UBR4: variants seen among roughly 807,000 people sequenced by gnomAD.
UBR4 encodes ubiquitin protein ligase E3 component n-recognin 4.
In UBR4, 124 loss-of-function variants were observed where a neutral mutation model predicts 575.6. The observed-to-expected ratio is 0.22, with a 90% CI of 0.19 to 0.25. The LOEUF (loss-of-function observed/expected upper bound fraction) is 0.25. UBR4 is among the 10% of genes least tolerant of loss of function. The probability of loss-of-function intolerance (pLI) is 1.00; values close to 1 mark genes in which losing one functional copy is unlikely to be tolerated. For synonymous variants in UBR4, 2,455 were observed against 2,473.7 expected, an observed-to-expected ratio of 0.99 and a Z score of 0.22; for missense variants, 4,818 against 6,478.8, an observed-to-expected ratio of 0.74 and a Z score of 8.80.
At chr1:19,189,897 C>T (rs977789821) in intron 11 of UBR4, among the ~76,000 whole-genome samples, 7 of 152,086 alleles carry the variant, frequency 4.6e-5, no homozygotes, top group Non-Finnish European at 2.9e-5. Flanking sequence ...ATGTCAATAC[C>T]GGCTTCAGAT....
intron 102 of UBR4, among the ~76,000 whole-genome samples, chr1:19,083,774 C>A (rs1009201957): frequency 2.6e-5 from 4 of 152,232 alleles, no homozygotes; most frequent in African/African-American, 9.6e-5. Context: ...CTTACCTTGG[C>A]CTCCCAAGTG....
In UBR4 at chr1:19,141,350, G is replaced by C; in HGVS notation, c.8485C>G (p.Gln2829Glu). The change falls in exon 57 of 106, where the codon CAA becomes GAA. Residue 2829 changes from glutamine (Q) to glutamate (E), a missense_variant. Around this residue, in one of 29 missense-constraint regions of UBR4, gnomAD observed 129 missense variants for 198.4 expected, o/e 0.65. Coordinates refer to ENST00000375254, the MANE Select transcript of UBR4 (RefSeq NM_020765.3). ...AIALSLQQDQ[Q>E]GSSSSALGLQ... ...TGTTCTTGGCATGGCCTTCTACCTT[G>C]TTGGTCCTGCTGCAGGCTCAGGGCA... The C allele has an allele frequency of 6.2e-7, 1 of 1,614,232 alleles. No individual in the cohort carries two copies. Among genetic ancestry groups the C allele is most frequent in the Non-Finnish European group, 8.5e-7 (1 of 1,180,038 alleles).
chr1:19,173,370 A>C (rs1351698414), intron 23 of UBR4, 64 bp from the exon 24 acceptor site: 33 of 1,611,064 alleles, frequency 2.0e-5, no homozygotes, highest in Non-Finnish European at 2.7e-5. Context: ...ATTATCTTCA[A>C]ATTTAAAAGC....
chr1:19,138,723 T>A (rs1334345974), intron 59 of UBR4, among the ~76,000 whole-genome samples: 1 of 151,870 alleles, frequency 6.6e-6, no homozygotes, highest in Non-Finnish European at 1.5e-5. Context: ...GGATAATGGG[T>A]TTCAAGGTCA....
intron 97 of UBR4, among the ~76,000 whole-genome samples, chr1:19,091,305 G>A (rs2077491495): frequency 6.6e-6 from 1 of 152,178 alleles, no homozygotes; most frequent in African/African-American, 2.4e-5. Flanking sequence ...CCACTGAGTT[G>A]AACAGAAGTT....
intron 55 of UBR4, among the ~76,000 whole-genome samples, chr1:19,142,912 A>T (rs113399451): frequency 2.0e-5 from 3 of 152,178 alleles, no homozygotes; most frequent in Admixed American, 1.3e-4. Flanking sequence ...ATTTGAGGTC[A>T]GGAGTTCGAG....
chr1:19,075,530 G>T, intron 105 of UBR4: 1 of 158,198 alleles, frequency 6.3e-6, no homozygotes, highest in Non-Finnish European at 1.4e-5. Context: ...CAGAGCCAGT[G>T]GGAGCCGTAA....
chr1:19,105,584 A>T (rs1023880365), intron 84 of UBR4, 149 bp downstream of exon 84: 1 of 626,652 alleles, frequency 1.6e-6, no homozygotes, highest in African/African-American at 1.9e-5. Context: ...TACCATCACT[A>T]AAAGTCAGCT....
At chr1:19,135,521 T>C (rs763807752) in intron 60 of UBR4, among the ~76,000 whole-genome samples, 2 of 152,220 alleles carry the variant, frequency 1.3e-5, no homozygotes, top group Admixed American at 6.5e-5. Context: ...ATAAACATGA[T>C]GTAGTTCTTC....
Position 19,110,515 on chromosome 1 carries a change from G to T in UBR4, c.11893-51C>A. 1.9e-6 allele frequency: 3 copies of T among 1,574,942 alleles called. No individual in the cohort carries two copies. The highest frequency in any genetic ancestry group is 2.6e-6 in the Non-Finnish European group (3 of 1,148,194). ...AGTCAAGAGGGTCAGCTCCGGTCCA[G>T]CGACTCTTAACTATTAATACAATTT... On this transcript the variant is annotated intron_variant, in intron 79 of 105. Transcript: ENST00000375254. The surrounding 1 kb of genome is among the most constrained non-coding windows in gnomAD (Gnocchi z 4.5).
At position 19,100,006 on chromosome 1, in the gene UBR4, T is replaced by C. The variant is rs2078457633; in HGVS notation, c.13222-329A>G. ...CCTCAACGGTCTGCCAGAAAGTAAC[T>C]GACACGGGGACATAAACCTGCACAG... On this transcript the variant is annotated intron_variant, in intron 89 of 105. Coordinates refer to ENST00000375254, the MANE Select transcript of UBR4 (RefSeq NM_020765.3). This position sits in a 1 kb window ranked among gnomAD's most constrained non-coding sequence, Gnocchi z 4.2. The C allele has an allele frequency of 4.7e-6, 2 of 426,230 alleles. No homozygotes were observed. Among genetic ancestry groups the C allele is most frequent in the African/African-American group, 4.0e-5 (2 of 50,238 alleles). 26.4% of individuals were successfully genotyped at this position (426,230 alleles called of 1,614,324 possible).
chr1:19,110,544 G>A lies in UBR4; in HGVS notation c.11893-80C>T, dbSNP rs1406913428. On this transcript the variant is annotated intron_variant, in intron 79 of 105. Coordinates refer to ENST00000375254, the MANE Select transcript of UBR4 (RefSeq NM_020765.3). The surrounding 1 kb of genome is among the most constrained non-coding windows in gnomAD (Gnocchi z 4.5). ...CTCTTAACTATTAATACAATTTCTG[G>A]TCCTAGGTGGCTCCAACAGAGACAA... 6.7e-7 allele frequency: 1 copy of A among 1,483,272 alleles called. No homozygotes were observed. The highest frequency in any genetic ancestry group is 1.4e-5 in the African/African-American group (1 of 72,048). 91.9% of individuals were successfully genotyped at this position (1,483,272 alleles called of 1,614,324 possible). A position where few individuals can be genotyped will look rare whatever the true frequency, so the allele number is the denominator to read the frequency against.
intron 11 of UBR4, among the ~76,000 whole-genome samples, chr1:19,188,413 A>C (rs1022231979): frequency 1.3e-5 from 2 of 152,110 alleles, no homozygotes; most frequent in Admixed American, 1.3e-4. Context: ...ACTTAGCCAG[A>C]AGTGGTGAGG....
chr1:19,141,562 T>C (rs1172424106), intron 56 of UBR4, 38 bp from the exon 57 acceptor site: 1 of 1,596,866 alleles, frequency 6.3e-7, no homozygotes, highest in African/African-American at 1.3e-5. Flanking sequence ...CCATGGTAAG[T>C]GGTAACTTTT....
At chr1:19,123,581 C>G (rs939154151) in intron 65 of UBR4, among the ~76,000 whole-genome samples, 1 of 151,840 alleles carries the variant, frequency 6.6e-6, no homozygotes, top group Non-Finnish European at 1.5e-5. Context: ...AGAAAGAAAT[C>G]AAAGAGGAAA....
intron 60 of UBR4, among the ~76,000 whole-genome samples, chr1:19,133,047 C>G (rs796483353): frequency 9.2e-5 from 14 of 152,232 alleles, no homozygotes; most frequent in African/African-American, 3.1e-4. Flanking sequence ...AGAAATAATA[C>G]TAATCTTATA....
At position 19,155,769 on chromosome 1, in the gene UBR4, A is replaced by G. The variant is rs565284394; in HGVS notation, c.6073-101T>C. On this transcript the variant is annotated intron_variant, in intron 42 of 105. Transcript: ENST00000375254. ...TAGCCGGAACTGACCAATAACAGGC[A>G]TTCATTCTCCATTCAGTAAAAAAAT... The G allele has an allele frequency of 5.1e-4, 488 of 965,222 alleles. 3 individuals are homozygous for G. The Middle Eastern group carries it at 0.014, about 28-fold the overall frequency. The allele number at this position is 965,222 out of a possible 1,614,324, so 59.8% of individuals were successfully genotyped here.
chr1:19,100,325 G>T lies in UBR4; in HGVS notation c.13221+51C>A, dbSNP rs1251191590. On this transcript the variant is annotated intron_variant, in intron 89 of 105. Coordinates refer to ENST00000375254, the MANE Select transcript of UBR4 (RefSeq NM_020765.3). This position sits in a 1 kb window ranked among gnomAD's most constrained non-coding sequence, Gnocchi z 4.2. ...GAAGCACCTGGATTTGGTTAGCCTAGGAGGAAGCCCCTAATCGTAAACGTG... is the reference window on the plus strand; with the variant it reads ...GAAGCACCTGGATTTGGTTAGCCTATGAGGAAGCCCCTAATCGTAAACGTG... 1.9e-6 allele frequency: 3 copies of T among 1,604,504 alleles called. No individual in the cohort carries two copies. The highest frequency in any genetic ancestry group is 2.7e-5 in the African/African-American group (2 of 74,782).
Position 19,088,166 on chromosome 1 carries a change from G to T in UBR4, c.14431-237C>A, listed in dbSNP as rs554015243. 4.6e-5 allele frequency among the ~76,000 whole-genome samples: 7 copies of T among 152,318 alleles called. No individual in the cohort carries two copies. Among genetic ancestry groups the T allele is most frequent in the African/African-American group, 1.7e-4 (7 of 41,562 alleles). ...GTCATCCAGCTGGAGCCCTGGCAAG[G>T]TGCCACCTGCCATCAGAAAAGCCCC... On this transcript the variant is annotated intron_variant, in intron 98 of 105. Transcript: ENST00000375254. The surrounding 1 kb of genome is among the most constrained non-coding windows in gnomAD (Gnocchi z 4.0).
Sources: allele counts gnomAD v4.1 joint callset (sites outside exome capture counted in the v4.1 genomes callset), GRCh38; gene constraint gnomAD v4.1.1; regional missense constraint gnomAD v4.1.1; non-coding constraint Gnocchi (gnomAD v3.1); transcripts MANE v1.5; gene names NCBI Gene and HGNC (gene_info 2026-07-23, HGNC 2026-07-21).